ATF6: variants seen among roughly 807,000 people sequenced by gnomAD.
ATF6 encodes the protein activating transcription factor 6, also known as cyclic AMP-dependent transcription factor ATF-6 alpha.
A neutral mutation model predicts 83.6 loss-of-function variants in ATF6; 53 were observed. The observed-to-expected ratio is 0.63, with a 90% confidence interval of 0.51 to 0.80. The LOEUF is 0.80. Among genes scored for constraint, ATF6 ranks in the 30% least tolerant of loss-of-function variants. The pLI is 0.00. For missense variants in ATF6, 744 were observed against 797.9 expected, an observed-to-expected ratio of 0.93 and a Z score of 0.81; for synonymous variants, 288 against 285.8, an observed-to-expected ratio of 1.01 and a Z score of -0.08.
At chr1:161,943,016 C>T (rs943942805) in intron 15 of ATF6, among the ~76,000 whole-genome samples, 5 of 152,150 alleles carry the variant, frequency 3.3e-5, no homozygotes, top group East Asian at 1.9e-4. Flanking sequence ...CCGTGACACC[C>T]GGCTAATTTT....
chr1:161,886,264 G>T (rs1687416685), intron 14 of ATF6, among the ~76,000 whole-genome samples: 1 of 152,198 alleles, frequency 6.6e-6, no homozygotes, highest in Non-Finnish European at 1.5e-5. Context: ...ACCTGTAGAA[G>T]ACAGAAATAT....
chr1:161,791,359 T>A, intron 4 of ATF6, 49 bp from the exon 5 acceptor site: 1 of 1,518,442 alleles, frequency 6.6e-7, no homozygotes, highest in Non-Finnish European at 8.8e-7. Flanking sequence ...CTATGCAATT[T>A]GCTGCTTAAG....
intron 1 of ATF6, among the ~76,000 whole-genome samples, chr1:161,773,011 A>G (rs1571115803): frequency 8.0e-6 from 1 of 125,272 alleles, no homozygotes; most frequent in Non-Finnish European, 1.6e-5. Flanking sequence ...TCTGTTGCCC[A>G]GGCTAGAGTG....
At chr1:161,851,665 C>A in intron 10 of ATF6, 57 bp from the exon 11 acceptor site, 1 of 1,231,058 alleles carries the variant, frequency 8.1e-7, no homozygotes, top group Non-Finnish European at 1.2e-6. Flanking sequence ...TTTCTTATAG[C>A]AAACTTCTTA....
At chr1:161,878,299 G>C (rs946317191) in intron 14 of ATF6, among the ~76,000 whole-genome samples, 8 of 152,048 alleles carry the variant, frequency 5.3e-5, no homozygotes, top group Non-Finnish European at 1.0e-4. Flanking sequence ...TGTTTTAGTA[G>C]AGATAGGGTT....
intron 14 of ATF6, among the ~76,000 whole-genome samples, chr1:161,907,122 C>G (rs1047501210): frequency 2.6e-5 from 4 of 152,108 alleles, no homozygotes; most frequent in Admixed American, 1.3e-4. Flanking sequence ...ACTATAACTA[C>G]TAGAAAACAA....
intron 6 of ATF6, among the ~76,000 whole-genome samples, chr1:161,793,972 T>A (rs951692635): frequency 6.6e-5 from 10 of 152,242 alleles, no homozygotes; most frequent in Non-Finnish European, 1.3e-4. Context: ...AGTGGTGTGA[T>A]CTTGGCTCAC....
intron 9 of ATF6, among the ~76,000 whole-genome samples, chr1:161,822,706 A>G (rs1685797008): frequency 1.3e-5 from 2 of 152,220 alleles, no homozygotes; most frequent in Admixed American, 6.5e-5. Context: ...GTTAGGTGCC[A>G]TGAAGGAAAG....
chr1:161,830,020 A>G (rs767500009), intron 9 of ATF6, among the ~76,000 whole-genome samples: 3 of 152,186 alleles, frequency 2.0e-5, no homozygotes, highest in Admixed American at 1.3e-4. Context: ...AATTGTTTGC[A>G]GATGACATGA....
At chr1:161,829,494 C>T (rs1685993389) in intron 9 of ATF6, among the ~76,000 whole-genome samples, 1 of 152,062 alleles carries the variant, frequency 6.6e-6, no homozygotes, top group Non-Finnish European at 1.5e-5. Context: ...CCAAAATTGA[C>T]CACATAGTTG....
intron 15 of ATF6, among the ~76,000 whole-genome samples, chr1:161,920,325 C>T (rs552872148): frequency 0.03 from 261 of 8,634 alleles, 1 homozygote; most frequent in Non-Finnish European, 0.082. Context: ...GACAGAGTCT[C>T]GCTCTGTCGC....
rs373415832 is a variant in ATF6 at position 161,811,758 on chromosome 1, A to ACCAT, written c.910-7846_910-7843dup. Among the ~76,000 whole-genome samples, 969 of 137,450 alleles carry ACCAT rather than the reference A, an allele frequency of 7.0e-3. 9 individuals carry two copies. Among genetic ancestry groups the ACCAT allele is most frequent in the African/African-American group, 0.017 (688 of 40,100 alleles). The allele number at this position is 137,450 out of a possible 152,430, so 90.2% of individuals were successfully genotyped here. A position where few individuals can be genotyped will look rare whatever the true frequency, so the allele number is the denominator to read the frequency against. On this transcript the variant is annotated intron_variant, in intron 7 of 15. Coordinates refer to ENST00000367942, the MANE Select transcript of ATF6 (RefSeq NM_007348.4). ...CACCCACCCATCCACCCACCATCCA[A>ACCAT]CCATCCATCCATCCATCCATCCATC...
rs1439104003 is a variant in ATF6, at chr1:161,851,714, T to C, written c.1320-8T>C. 2 of 1,598,518 alleles carry C rather than the reference T, an allele frequency of 1.3e-6. No individual in the cohort carries two copies. The highest frequency in any genetic ancestry group is 1.7e-6 in the Non-Finnish European group (2 of 1,168,396). On this transcript the variant is annotated splice_polypyrimidine_tract_variant and splice_region_variant and intron_variant, in intron 10 of 15. Coordinates refer to ENST00000367942, the MANE Select transcript of ATF6 (RefSeq NM_007348.4). ...CAAGGAAACAAATTTTGTGCATCCA[T>C]GTTTCAGATATGATCATTCTGTTTC...
intron 14 of ATF6, chr1:161,891,506 C>A: frequency 6.6e-6 from 1 of 152,344 alleles, no homozygotes. Flanking sequence ...TGAAGTACCC[C>A]CAAGTGGAAG....
At chr1:161,770,950 A>G (rs780575279) in intron 1 of ATF6, among the ~76,000 whole-genome samples, 5 of 152,256 alleles carry the variant, frequency 3.3e-5, no homozygotes, top group Non-Finnish European at 5.9e-5. Flanking sequence ...CATTCCCGCT[A>G]GCAATGAATG....
In ATF6 at chr1:161,839,432, G is replaced by A. The variant is rs369464583; in HGVS notation, c.1188-7017G>A. ...GGCTGAAGTACAGCAATGCAATCAC[G>A]GCTCACTCAGCCTTGACCTCCTGAG... On this transcript the variant is annotated intron_variant, in intron 9 of 15. Transcript: ENST00000367942. 9.2e-5 allele frequency among the ~76,000 whole-genome samples: 14 copies of A among 152,030 alleles called. No individual in the cohort carries two copies. In the East Asian group the frequency reaches 9.7e-4, roughly 10 times the overall value.
intron 12 of ATF6, among the ~76,000 whole-genome samples, chr1:161,857,630 C>T (rs1000254767): frequency 6.6e-6 from 1 of 151,886 alleles, no homozygotes; most frequent in Admixed American, 6.6e-5. Context: ...GAAGGAAGAG[C>T]ATCAGAATGG....
intron 15 of ATF6, among the ~76,000 whole-genome samples, chr1:161,938,003 C>T (rs182241516): frequency 1.3e-5 from 2 of 152,218 alleles, no homozygotes; most frequent in Admixed American, 6.5e-5. Flanking sequence ...ATGGTTCTGC[C>T]TCCCCTTCCC....
Position 161,778,227 on chromosome 1 carries a change from TTTTCC to T in ATF6, c.83-13_83-9del. 4 of 1,607,340 alleles carry T rather than the reference TTTTCC, an allele frequency of 2.5e-6. No individual in the cohort carries two copies. The highest frequency in any genetic ancestry group is 3.4e-6 in the Non-Finnish European group (4 of 1,174,846). ...TTGAATTGACAGTTCATTTCTATTC[TTTTCC>T]TTTGTCCAAAGATTCTGCTCTCTTT... On this transcript the variant is annotated splice_polypyrimidine_tract_variant and intron_variant, in intron 1 of 15. Transcript: ENST00000367942.
Sources: gnomAD v4.1 joint callset for allele counts (sites outside exome capture counted in the v4.1 genomes callset) on GRCh38, gnomAD v4.1.1 for gene constraint, MANE v1.5 for transcripts, NCBI Gene and HGNC (gene_info 2026-07-23, HGNC 2026-07-21) for gene names.